TRAK1: variants seen among roughly 807,000 people sequenced by gnomAD.
TRAK1 encodes trafficking kinesin protein 1.
TRAK1 carries 33 observed loss-of-function variants against 92.1 expected under a neutral mutation model. The ratio of observed to expected loss-of-function variants is 0.36; its 90% CI spans 0.27 to 0.48. TRAK1 has a LOEUF of 0.48. Among genes scored for constraint, TRAK1 ranks in the 20% least tolerant of loss-of-function variants. TRAK1 has a pLI of 0.99. For missense variants in TRAK1, 1,123 were observed against 1,257.9 expected, an observed-to-expected ratio of 0.89 and a Z score of 1.62; for synonymous variants, 521 against 517.3, an observed-to-expected ratio of 1.01 and a Z score of -0.10.
chr3:42,031,931 A>T (rs1417377949), intron 1 of TRAK1, among the ~76,000 whole-genome samples: 1 of 152,040 alleles, frequency 6.6e-6, no homozygotes, highest in East Asian at 1.9e-4. Flanking sequence ...ACAATCTGAG[A>T]TTAGTTCCCT....
intron 14 of TRAK1, chr3:42,218,068 G>C (rs1264157959): frequency 1.0e-6 from 1 of 985,206 alleles, no homozygotes; most frequent in Non-Finnish European, 1.2e-6. Flanking sequence ...TTGACACACA[G>C]ACCCGAGTCA....
At chr3:42,059,559 C>T (rs1228259832) in intron 1 of TRAK1, among the ~76,000 whole-genome samples, 2 of 152,208 alleles carry the variant, frequency 1.3e-5, no homozygotes, top group East Asian at 1.9e-4. Flanking sequence ...CTTTCTTCCT[C>T]GTGGACACTT....
chr3:42,171,867 A>G (rs1003797270), intron 2 of TRAK1, among the ~76,000 whole-genome samples: 6 of 152,100 alleles, frequency 3.9e-5, no homozygotes, highest in African/African-American at 1.2e-4. Context: ...GGGTGCCAAC[A>G]TTTATTCTTA....
chr3:42,160,627 C>T (rs1321297576), intron 2 of TRAK1, among the ~76,000 whole-genome samples: 2 of 150,668 alleles, frequency 1.3e-5, no homozygotes, highest in Non-Finnish European at 2.9e-5. Flanking sequence ...TAAAGGTGTC[C>T]TTGTAAGAGC....
chr3:42,106,378 A>C (rs1707572084), intron 1 of TRAK1, among the ~76,000 whole-genome samples: 1 of 152,208 alleles, frequency 6.6e-6, no homozygotes. Flanking sequence ...TTGCAATCCT[A>C]GTCTCTGATA....
At chr3:42,066,539 G>A (rs1213737993) in intron 1 of TRAK1, among the ~76,000 whole-genome samples, 8 of 138,806 alleles carry the variant, frequency 5.8e-5, no homozygotes, top group Non-Finnish European at 1.2e-4. Context: ...ACCTTCCGCC[G>A]TTGGTGCTTC....
At chr3:42,097,260 A>G (rs962955789) in intron 1 of TRAK1, among the ~76,000 whole-genome samples, 11 of 152,250 alleles carry the variant, frequency 7.2e-5, no homozygotes, top group East Asian at 5.8e-4. Flanking sequence ...GTATTCTGCA[A>G]ATACCACTGG....
At chr3:42,142,914 A>G (rs781088869) in intron 2 of TRAK1, among the ~76,000 whole-genome samples, 2 of 152,206 alleles carry the variant, frequency 1.3e-5, no homozygotes, top group Non-Finnish European at 2.9e-5. Flanking sequence ...TGGCTTTTAT[A>G]TACCTTATCA....
rs1577045879 is a variant in TRAK1, at chr3:42,213,115, G to A, written c.1963+3130G>A. 2.0e-5 allele frequency among the ~76,000 whole-genome samples: 3 copies of A among 148,020 alleles called. No individual in the cohort carries two copies. In the South Asian group the frequency reaches 6.4e-4, roughly 31 times the overall value. ...GCTCTGTTGCCTAGGCTGGAGGGCA[G>A]TGGTGCAATCTCGGCTCACTGCAAC... On this transcript the variant is annotated intron_variant, in intron 14 of 15. Transcript: ENST00000327628.
chr3:42,201,008 A>G lies in TRAK1; in HGVS notation c.1381A>G (p.Asn461Asp), dbSNP rs1013326000. The G allele has an allele frequency of 2.5e-6, 4 of 1,614,104 alleles. No homozygotes were observed. The highest frequency in any genetic ancestry group is 1.6e-4 in the Middle Eastern group (1 of 6,084). The part of the protein sequence containing the change: ...GSDIGNVVLD[N>D]KTNSIILETE... ...CGACATAGGCAACGTCGTCCTCGAC[A>G]ACAAGACCAACAGCATCATTCTGGA... Residue 461 changes from asparagine to aspartate, a missense_variant, in exon 12 of 16, where the codon AAC (asparagine) becomes GAC (aspartate). Asn to Asp is a conservative substitution (Grantham distance 23, BLOSUM62 1). Around this residue, in one of 3 missense-constraint regions of TRAK1, gnomAD observed 686 missense variants for 747.6 expected, o/e 0.92. Coordinates refer to ENST00000327628, the MANE Select transcript of TRAK1 (RefSeq NM_001042646.3).
At chr3:42,024,067 T>C (rs867540469) in intron 1 of TRAK1, among the ~76,000 whole-genome samples, 9 of 152,128 alleles carry the variant, frequency 5.9e-5, no homozygotes, top group Middle Eastern at 3.4e-3. Flanking sequence ...TCCTGAGATT[T>C]CTAAGTGGAG....
At chr3:42,032,427 TA>T (rs1702179344) in intron 1 of TRAK1, among the ~76,000 whole-genome samples, 2 of 150,010 alleles carry the variant, frequency 1.3e-5, no homozygotes, top group African/African-American at 5.0e-5. Context: ...TCTTGCCAAG[TA>T]CTGTGGGAAG....
In TRAK1 at chr3:42,224,143, G is replaced by A; in HGVS notation, c.*406G>A. On this transcript the variant is annotated 3_prime_UTR_variant, in exon 16 of 16. Transcript: ENST00000327628. ...TGGCTGGCACACCACGAGCTGTCAC[G>A]CGGCACGGGTCATAACACATCTGGG... is the stretch of plus-strand genomic sequence containing the variant. 2.2e-6 allele frequency: 1 copy of A among 458,180 alleles called. No homozygotes were observed. The highest frequency in any genetic ancestry group is 1.6e-5 in the South Asian group (1 of 64,484). 28.4% of individuals were successfully genotyped at this position (458,180 alleles called of 1,614,324 possible).
chr3:42,184,108 A>G (rs975242539), intron 3 of TRAK1, among the ~76,000 whole-genome samples: 1 of 152,212 alleles, frequency 6.6e-6, no homozygotes, highest in Non-Finnish European at 1.5e-5. Flanking sequence ...AAAAAAACAG[A>G]AAAGCATGTA....
chr3:42,206,614 T>C (rs964802920), intron 13 of TRAK1, among the ~76,000 whole-genome samples: 3 of 152,232 alleles, frequency 2.0e-5, no homozygotes, highest in Admixed American at 1.3e-4. Flanking sequence ...GAATTATAAA[T>C]GTAGACCTCA....
At chr3:42,069,119 T>C (rs1464753864) in intron 1 of TRAK1, among the ~76,000 whole-genome samples, 1 of 152,048 alleles carries the variant, frequency 6.6e-6, no homozygotes, top group Non-Finnish European at 1.5e-5. Context: ...GGTGCATTAC[T>C]TGAGCACAGG....
chr3:42,220,438 A>C, intron 15 of TRAK1: 2 of 978,248 alleles, frequency 2.0e-6, no homozygotes, highest in Non-Finnish European at 2.4e-6. Flanking sequence ...TGGAAGGTAA[A>C]GCAGAAGGGG....
At chr3:42,166,084 C>G (rs986732575) in intron 2 of TRAK1, among the ~76,000 whole-genome samples, 2 of 152,064 alleles carry the variant, frequency 1.3e-5, no homozygotes, top group African/African-American at 2.4e-5. Flanking sequence ...CTGTGTTATG[C>G]CAGTTTATGC....
intron 13 of TRAK1, among the ~76,000 whole-genome samples, chr3:42,207,283 T>G (rs967458196): frequency 6.6e-6 from 1 of 152,132 alleles, no homozygotes; most frequent in African/African-American, 2.4e-5. Context: ...TGGGGCCCAT[T>G]AGGTAGTGTG....
Sources: gnomAD v4.1 joint callset for allele counts (sites outside exome capture counted in the v4.1 genomes callset) on GRCh38, gnomAD v4.1.1 for gene constraint, gnomAD v4.1.1 regional missense constraint, MANE v1.5 for transcripts, NCBI Gene and HGNC (gene_info 2026-07-23, HGNC 2026-07-21) for gene names.